Variants in CEP290 observed in about 807,000 individuals in gnomAD.
CEP290 encodes centrosomal protein 290, also known as centrosomal protein of 290 kDa.
A neutral mutation model predicts 344.9 loss-of-function variants in CEP290; 317 were observed. The ratio of observed to expected loss-of-function variants is 0.92; its 90% CI spans 0.84 to 1.01. The LOEUF (loss-of-function observed/expected upper bound fraction) is 1.01. Among genes scored for constraint, CEP290 ranks in the 50% least tolerant of loss-of-function variants. The probability of loss-of-function intolerance (pLI) is 0.00; values close to 1 mark genes in which losing one functional copy is unlikely to be tolerated. For synonymous variants in CEP290, 932 were observed against 895.8 expected, an observed-to-expected ratio of 1.04 and a Z score of -0.72; for missense variants, 2,754 against 2,761.4, an observed-to-expected ratio of 1.00 and a Z score of 0.06.
At position 88,089,153 on chromosome 12, in the gene CEP290, T is replaced by G; in HGVS notation, c.3908A>C (p.Glu1303Ala). 1 of 1,603,730 alleles carries G rather than the reference T, an allele frequency of 6.2e-7. No homozygotes were observed. The change falls in exon 31 of 54, where the codon GAA (glutamate) becomes GCA (alanine). Residue 1303 changes from glutamate (E) to alanine (A), a missense_variant. Transcript: ENST00000552810. Reference sequence around the variant, plus strand: ...ATGTTCTTGTTGAGAATTTTTCATTTCTTGCATTATCTTAAGTTTGTCATT... The same window carrying G: ...ATGTTCTTGTTGAGAATTTTTCATTGCTTGCATTATCTTAAGTTTGTCATT... ...LQNDKLKIMQEMKNSQQEHRN... is the reference protein window; with the variant it reads ...LQNDKLKIMQAMKNSQQEHRN...
At chr12:88,109,931 A>G (rs917500921) in intron 22 of CEP290, among the ~76,000 whole-genome samples, 1 of 152,214 alleles carries the variant, frequency 6.6e-6, no homozygotes, top group African/African-American at 2.4e-5. Flanking sequence ...AAGAGAAATA[A>G]TAATGTTAAA....
At position 88,080,410 on chromosome 12, in the gene CEP290, CAT is replaced by C. The variant is rs774225453; in HGVS notation, c.5013-17_5013-16del. The C allele has an allele frequency of 4.4e-6, 7 of 1,575,680 alleles. No homozygotes were observed. The highest frequency in any genetic ancestry group is 1.1e-5 in the South Asian group (1 of 87,954). ...TTTCTTGAAGCCTGATGTAAATAAA[CAT>C]ATGTGTGTGTGTGTTTTTTAATTTT... On this transcript the variant is annotated splice_polypyrimidine_tract_variant and intron_variant, in intron 37 of 53. Transcript: ENST00000552810.
intron 26 of CEP290, among the ~76,000 whole-genome samples, chr12:88,100,978 C>G (rs534755179): frequency 6.6e-6 from 1 of 152,176 alleles, no homozygotes; most frequent in African/African-American, 2.4e-5. Context: ...TTGACTTTTA[C>G]CCTTCAGGTA....
intron 6 of CEP290, among the ~76,000 whole-genome samples, chr12:88,132,200 A>T (rs1383389609): frequency 6.6e-6 from 1 of 152,172 alleles, no homozygotes; most frequent in Non-Finnish European, 1.5e-5. Flanking sequence ...CATTATTATA[A>T]ACATTATGAT....
chr12:88,140,922 C>G, intron 3 of CEP290, 34 bp downstream of exon 3: 2 of 1,429,642 alleles, frequency 1.4e-6, no homozygotes, highest in African/African-American at 1.4e-5. Flanking sequence ...CCACTAATAG[C>G]CAAACCTATA....
intron 20 of CEP290, 120 bp downstream of exon 20, chr12:88,114,300 A>AG: frequency 1.3e-6 from 1 of 760,260 alleles, no homozygotes; most frequent in East Asian, 3.1e-5. Flanking sequence ...CTTTACATAC[A>AG]GGGAAACAAT....
intron 6 of CEP290, among the ~76,000 whole-genome samples, chr12:88,131,943 G>A (rs1592678939): frequency 6.6e-6 from 1 of 152,126 alleles, no homozygotes; most frequent in African/African-American, 2.4e-5. Flanking sequence ...GTTAAAAGAA[G>A]CAATCTAAAA....
chr12:88,126,530 T>TAGTAG (rs2039743105), intron 11 of CEP290, 92 bp from the exon 12 acceptor site: 3 of 836,422 alleles, frequency 3.6e-6, no homozygotes, highest in Non-Finnish European at 1.7e-6. Flanking sequence ...TTAGTAGATT[T>TAGTAG]ATGATACAGA....
intron 27 of CEP290, among the ~76,000 whole-genome samples, chr12:88,094,962 T>C (rs1296957662): frequency 4.6e-5 from 7 of 152,154 alleles, no homozygotes. Context: ...AAAAAGTACT[T>C]CATTATGTTC....
intron 15 of CEP290, 46 bp from the exon 16 acceptor site, chr12:88,118,789 A>T (rs2039231369): frequency 2.2e-6 from 3 of 1,392,358 alleles, no homozygotes; most frequent in Non-Finnish European, 3.0e-6. Context: ...ACATTCAAAT[A>T]AGCTGCAAAA....
At chr12:88,083,728 A>T in intron 36 of CEP290, 119 bp downstream of exon 36, 1 of 681,912 alleles carries the variant, frequency 1.5e-6, no homozygotes, top group Non-Finnish European at 2.6e-6. Flanking sequence ...CTATGTTTTC[A>T]GAAGATTATT....
chr12:88,072,298 GTGTTT>G lies in CEP290; in HGVS notation c.5710-377_5710-373del, dbSNP rs1369932546. On this transcript the variant is annotated intron_variant, in intron 41 of 53. Coordinates refer to ENST00000552810, the MANE Select transcript of CEP290 (RefSeq NM_025114.4). ...TTGTACATGAAACAAAGTTTTGACT[GTGTTT>G]TGACTGTGACTCATCATATGAGGTC... is the stretch of plus-strand genomic sequence containing the variant. 2.2e-3 allele frequency among the ~76,000 whole-genome samples: 36 copies of G among 16,004 alleles called. No individual in the cohort carries two copies. In the Admixed American group the frequency reaches 0.073, roughly 33 times the overall value. 10.5% of individuals were successfully genotyped at this position (16,004 alleles called of 152,430 possible). A position where few individuals can be genotyped will look rare whatever the true frequency, so the allele number is the denominator to read the frequency against.
chr12:88,059,435 T>A (rs2034282202), intron 48 of CEP290, among the ~76,000 whole-genome samples: 1 of 152,098 alleles, frequency 6.6e-6, no homozygotes, highest in Non-Finnish European at 1.5e-5. Context: ...TGAGATGGAG[T>A]CTCGCTCTGT....
At chr12:88,090,340 A>C (rs1461299631) in intron 30 of CEP290, among the ~76,000 whole-genome samples, 1 of 152,168 alleles carries the variant, frequency 6.6e-6, no homozygotes, top group East Asian at 1.9e-4. Context: ...TTGATTAAAA[A>C]TGTAACAATG....
At chr12:88,092,059 C>G (rs969191079) in intron 29 of CEP290, among the ~76,000 whole-genome samples, 1 of 152,078 alleles carries the variant, frequency 6.6e-6, no homozygotes, top group African/African-American at 2.4e-5. Context: ...GCTACAGGCA[C>G]ATGTCACCAC....
At chr12:88,074,708 TAA>T (rs2035630509) in intron 41 of CEP290, among the ~76,000 whole-genome samples, 1 of 152,170 alleles carries the variant, frequency 6.6e-6, no homozygotes, top group African/African-American at 2.4e-5. Flanking sequence ...CTGTGGGTCT[TAA>T]AACCCTAATA....
chr12:88,115,399 T>A lies in CEP290; in HGVS notation c.1825-217A>T, dbSNP rs1423508654. 7 of 941,450 alleles carry A rather than the reference T, an allele frequency of 7.4e-6. No homozygotes were observed. The Admixed American group carries it at 1.7e-4, about 22-fold the overall frequency. The allele number at this position is 941,450 out of a possible 1,614,324, so 58.3% of individuals were successfully genotyped here. On this transcript the variant is annotated intron_variant, in intron 18 of 53. Coordinates refer to ENST00000552810, the MANE Select transcript of CEP290 (RefSeq NM_025114.4). ...CACTTTCTCCCTCTCCCAACATCCA[T>A]GGTAAGAGGCAAAAAGATATAACGG...
chr12:88,127,674 T>C (rs1160368066), intron 11 of CEP290, among the ~76,000 whole-genome samples: 1 of 152,182 alleles, frequency 6.6e-6, no homozygotes, highest in African/African-American at 2.4e-5. Flanking sequence ...AGTGACAAAC[T>C]GTTAGAATGT....
rs547662093 is a variant in CEP290, at chr12:88,139,129, A to G, written c.297+16T>C. ...ATTAATGACAATTACATCCTAGGGA[A>G]TACAAAAAGACATACCTCCAGTTCA... On this transcript the variant is annotated intron_variant, in intron 5 of 53. Transcript: ENST00000552810. 6.0e-6 allele frequency: 7 copies of G among 1,157,950 alleles called. No individual in the cohort carries two copies. In the South Asian group the frequency reaches 9.1e-5, roughly 15 times the overall value. 71.7% of individuals were successfully genotyped at this position (1,157,950 alleles called of 1,614,324 possible). A position where few individuals can be genotyped will look rare whatever the true frequency, so the allele number is the denominator to read the frequency against.
Sources: gnomAD v4.1 joint callset for allele counts (sites outside exome capture counted in the v4.1 genomes callset) on GRCh38, gnomAD v4.1.1 for gene constraint, MANE v1.5 for transcripts, NCBI Gene and HGNC (gene_info 2026-07-23, HGNC 2026-07-21) for gene names.